The following CCSER1 variants were observed in gnomAD, a reference collection of about 807,000 sequenced individuals.
CCSER1 encodes the protein coiled-coil serine rich protein 1, also known as serine-rich coiled-coil domain-containing protein 1.
Under a neutral mutation model 82.0 loss-of-function variants are expected in CCSER1, and 41 were observed. The ratio of observed to expected loss-of-function variants is 0.50; its 90% CI spans 0.39 to 0.65. CCSER1 has a LOEUF of 0.65. Ranked by LOEUF, CCSER1 falls within the 30% of genes least tolerant of loss-of-function variation. CCSER1 has a pLI of 0.00. For synonymous variants in CCSER1, 414 were observed against 383.9 expected, an observed-to-expected ratio of 1.08 and a Z score of -0.92; for missense variants, 1,119 against 1,064.2, an observed-to-expected ratio of 1.05 and a Z score of -0.72.
At chr4:91,321,989 C>T (rs556162275) in intron 10 of CCSER1, among the ~76,000 whole-genome samples, 62 of 152,056 alleles carry the variant, frequency 4.1e-4, no homozygotes, top group Non-Finnish European at 6.6e-4. Context: ...TTTTTACCAA[C>T]TGTTTTATCC....
intron 10 of CCSER1, among the ~76,000 whole-genome samples, chr4:91,291,664 C>T (rs775881471): frequency 6.6e-6 from 1 of 151,926 alleles, no homozygotes; most frequent in African/African-American, 2.4e-5. Flanking sequence ...ACCAAGGGGA[C>T]GGTGCTAAAC....
rs928161751 is a variant in CCSER1 at position 90,209,198 on chromosome 4, G to A, written c.-42+81367G>A. Among the ~76,000 whole-genome samples, 7 of 152,108 alleles carry A rather than the reference G, an allele frequency of 4.6e-5. No individual in the cohort carries two copies. The East Asian group carries it at 7.7e-4, about 17-fold the overall frequency. On this transcript the variant is annotated intron_variant, in intron 1 of 10. Transcript: ENST00000509176. ...ATAAAGAAGCTGTAAAGGGTGACCC[G>A]CTGAAATAGATGGCGGTATGGGTGT... is the stretch of plus-strand genomic sequence containing the variant.
intron 4 of CCSER1, among the ~76,000 whole-genome samples, chr4:90,460,073 TC>T (rs1387224382): frequency 6.8e-6 from 1 of 146,236 alleles, no homozygotes; most frequent in Non-Finnish European, 1.5e-5. Context: ...ACGCCTGTAA[TC>T]CCAGCACTTT....
At chr4:91,146,094 A>G (rs968260021) in intron 10 of CCSER1, among the ~76,000 whole-genome samples, 2 of 152,042 alleles carry the variant, frequency 1.3e-5, no homozygotes, top group Admixed American at 6.6e-5. Flanking sequence ...GTACAATCAC[A>G]TATTTCTTGG....
rs370208986 is a variant in CCSER1 at position 90,362,486 on chromosome 4, G to C, written c.1510-37550G>C. ...ATCAATACATAAATTCTTTCCTTTA[G>C]AAAAACCAAAGGCTAGGTGTAATTG... On this transcript the variant is annotated intron_variant, in intron 3 of 10. Transcript: ENST00000509176. Among the ~76,000 whole-genome samples, 263 of 152,236 alleles carry C rather than the reference G, an allele frequency of 1.7e-3. 1 individual carries two copies. Among genetic ancestry groups the C allele is most frequent in the African/African-American group, 5.5e-3 (228 of 41,550 alleles).
chr4:90,867,110 C>T (rs1007910912), intron 8 of CCSER1, among the ~76,000 whole-genome samples: 1 of 152,002 alleles, frequency 6.6e-6, no homozygotes, highest in Admixed American at 6.6e-5. Context: ...CCAGCTCTCC[C>T]CTCCTTTGTA....
intron 10 of CCSER1, among the ~76,000 whole-genome samples, chr4:91,388,370 A>G (rs1751436981): frequency 6.6e-6 from 1 of 152,118 alleles, no homozygotes; most frequent in African/African-American, 2.4e-5. Flanking sequence ...TGTTTTAATA[A>G]TTGTACCATT....
intron 9 of CCSER1, among the ~76,000 whole-genome samples, chr4:90,925,973 ATACT>A (rs1224658463): frequency 1.3e-5 from 2 of 152,114 alleles, no homozygotes; most frequent in East Asian, 3.9e-4. Context: ...GGGGATGGAA[ATACT>A]TAAACAAATC....
chr4:90,309,395 A>G lies in CCSER1; in HGVS notation c.1111A>G (p.Ser371Gly). 6.2e-7 allele frequency: 1 copy of G among 1,613,848 alleles called. No individual in the cohort carries two copies. The highest frequency in any genetic ancestry group is 8.5e-7 in the Non-Finnish European group (1 of 1,179,784). ...CTCAGAGAGTAACCTACCAGCAGAT[A>G]GTGAAAGAGAAGAAAATATAGGGTT... ...SHSESNLPAD[S>G]EREENIGLQN... The change falls in exon 2 of 11, where the codon AGT becomes GGT. Residue 371 changes from serine to glycine, a missense_variant. By Grantham distance (56) the Ser-to-Gly change is moderately conservative. Coordinates refer to ENST00000509176, the MANE Select transcript of CCSER1 (RefSeq NM_001145065.2).
intron 6 of CCSER1, among the ~76,000 whole-genome samples, chr4:90,687,370 G>A (rs750416151): frequency 6.6e-6 from 1 of 151,710 alleles, no homozygotes; most frequent in Non-Finnish European, 1.5e-5. Context: ...GAAATAGCAT[G>A]TTGCTTGCTG....
At chr4:91,168,259 A>T (rs13142533) in intron 10 of CCSER1, among the ~76,000 whole-genome samples, 3 of 119,214 alleles carry the variant, frequency 2.5e-5, no homozygotes, top group Admixed American at 1.7e-4. Context: ...GCTGCCCATC[A>T]TCTGGGAAGT....
intron 7 of CCSER1, among the ~76,000 whole-genome samples, chr4:90,753,663 C>A (rs928535413): frequency 2.6e-5 from 4 of 152,180 alleles, no homozygotes; most frequent in Middle Eastern, 3.4e-3. Flanking sequence ...AATTCCATTT[C>A]CCACATGGGA....
chr4:90,696,123 T>C (rs1736962683), intron 6 of CCSER1, among the ~76,000 whole-genome samples: 1 of 152,230 alleles, frequency 6.6e-6, no homozygotes, highest in African/African-American at 2.4e-5. Flanking sequence ...TGGATTAACA[T>C]CATGCTGATT....
At chr4:91,450,234 G>A (rs771400633) in intron 10 of CCSER1, among the ~76,000 whole-genome samples, 2 of 151,866 alleles carry the variant, frequency 1.3e-5, no homozygotes, top group Non-Finnish European at 1.5e-5. Context: ...ACATACCGAC[G>A]ATCATGAATT....
At chr4:90,659,848 G>A (rs1291312519) in intron 6 of CCSER1, among the ~76,000 whole-genome samples, 2 of 151,880 alleles carry the variant, frequency 1.3e-5, no homozygotes, top group East Asian at 3.9e-4. Context: ...TCCCATTGTG[G>A]CTTTAATTTA....
intron 3 of CCSER1, among the ~76,000 whole-genome samples, chr4:90,338,273 A>G (rs547743488): frequency 6.6e-6 from 1 of 152,160 alleles, no homozygotes; most frequent in Non-Finnish European, 1.5e-5. Context: ...CTCTCCTGAA[A>G]TATTCCAGCC....
chr4:90,691,941 T>C (rs971341994), intron 6 of CCSER1, among the ~76,000 whole-genome samples: 2 of 150,820 alleles, frequency 1.3e-5, no homozygotes, highest in Non-Finnish European at 1.5e-5. Context: ...TTAAGTGACA[T>C]GTTAATGTAT....
intron 1 of CCSER1, among the ~76,000 whole-genome samples, chr4:90,141,109 A>C (rs1045065203): frequency 1.2e-4 from 18 of 151,764 alleles, no homozygotes; most frequent in African/African-American, 4.4e-4. Context: ...ATTGGCTTAC[A>C]TGACTGAAAT....
intron 3 of CCSER1, among the ~76,000 whole-genome samples, chr4:90,353,761 T>A (rs1403974021): frequency 2.6e-5 from 4 of 152,160 alleles, no homozygotes; most frequent in African/African-American, 9.7e-5. Context: ...CTCTGTAGGA[T>A]CTGATGCTTC....
Sources: allele counts gnomAD v4.1 joint callset (sites outside exome capture counted in the v4.1 genomes callset), GRCh38; gene constraint gnomAD v4.1.1; transcripts MANE v1.5; gene names NCBI Gene and HGNC (gene_info 2026-07-23, HGNC 2026-07-21).